Variants in DHRS12 observed in about 807,000 individuals in gnomAD.
DHRS12 encodes the protein dehydrogenase/reductase SDR family member 12.
Under a neutral mutation model 32.1 loss-of-function variants are expected in DHRS12, and 29 were observed. The observed-to-expected ratio is 0.90, with a 90% CI of 0.67 to 1.23. The LOEUF is 1.23. DHRS12 is among the 50% of genes most tolerant of loss of function. The pLI is 0.00. For missense variants in DHRS12, 330 were observed against 337.2 expected, an observed-to-expected ratio of 0.98 and a Z score of 0.17; for synonymous variants, 150 against 135.9, an observed-to-expected ratio of 1.10 and a Z score of -0.72.
chr13:51,792,441 C>T (rs1231559909), intron 2 of DHRS12, among the ~76,000 whole-genome samples: 1 of 151,602 alleles, frequency 6.6e-6, no homozygotes, highest in African/African-American at 2.4e-5. Context: ...ACTCTGTCGC[C>T]CAGGCTAGAG....
chr13:51,793,685 G>T (rs1175374670), intron 2 of DHRS12, among the ~76,000 whole-genome samples: 1 of 152,194 alleles, frequency 6.6e-6, no homozygotes, highest in East Asian at 1.9e-4. Context: ...GAACAAGGCT[G>T]CTGAGTCATA....
intron 7 of DHRS12, chr13:51,771,313 G>A (rs1954000017): frequency 6.3e-7 from 1 of 1,577,832 alleles, no homozygotes; most frequent in Non-Finnish European, 8.6e-7. Context: ...TGGAGTTGGT[G>A]AGGCCAATCC....
intron 1 of DHRS12, 60 bp from the exon 2 acceptor site, chr13:51,799,727 C>A: frequency 1.3e-6 from 2 of 1,581,062 alleles, no homozygotes; most frequent in Non-Finnish European, 8.6e-7. Context: ...CAAACCCCTG[C>A]AGGAGAAAGC....
Position 51,773,922 on chromosome 13 carries a change from T to G in DHRS12, c.468+8A>C. ...AAAATGCAGTCTCAGGAAACCCACCTCACTGACCTTGTTTTGTGCATAGAC... is the reference window on the plus strand; with the variant it reads ...AAAATGCAGTCTCAGGAAACCCACCGCACTGACCTTGTTTTGTGCATAGAC... On this transcript the variant is annotated splice_region_variant and intron_variant, in intron 6 of 8. Coordinates refer to ENST00000444610, the MANE Select transcript of DHRS12 (RefSeq NM_001377533.1). The G allele has an allele frequency of 6.2e-7, 1 of 1,613,396 alleles. No individual in the cohort carries two copies. Among genetic ancestry groups the G allele is most frequent in the Non-Finnish European group, 8.5e-7 (1 of 1,179,348 alleles).
intron 1 of DHRS12, among the ~76,000 whole-genome samples, chr13:51,801,364 T>C (rs1955745844): frequency 1.3e-5 from 2 of 152,276 alleles, no homozygotes; most frequent in South Asian, 4.1e-4. Flanking sequence ...TTTTTGTATT[T>C]TTTAGTAGAG....
chr13:51,787,818 TATATTATAAATTATATAAAC>T (rs1467761529), intron 4 of DHRS12, among the ~76,000 whole-genome samples: 1 of 129,236 alleles, frequency 7.7e-6, no homozygotes, highest in African/African-American at 2.9e-5. Context: ...ATATAATTTA[TATATTATAAATTATATAAAC>T]ATATAATATA....
chr13:51,774,295 T>TGTATTCTCCTACA (rs1473302295), intron 5 of DHRS12: 1 of 133,866 alleles, frequency 7.5e-6, no homozygotes, highest in Non-Finnish European at 1.6e-5. Context: ...TTCTCCTACA[T>TGTATTCTCCTACA]GTATTCTCCT....
chr13:51,797,903 T>G, intron 2 of DHRS12: 1 of 1,535,856 alleles, frequency 6.5e-7, no homozygotes, highest in Non-Finnish European at 8.7e-7. Flanking sequence ...AGGTGAACTG[T>G]GCCACCTGGT....
At chr13:51,793,014 A>T (rs1955349542) in intron 2 of DHRS12, among the ~76,000 whole-genome samples, 1 of 151,626 alleles carries the variant, frequency 6.6e-6, no homozygotes, top group South Asian at 2.1e-4. Context: ...TGTGACCCTT[A>T]GTCCTTGCTC....
At chr13:51,756,487 G>C in the DHRS12 span, 1 of 1,604,324 alleles carries the variant, frequency 6.2e-7, no homozygotes, top group Non-Finnish European at 8.5e-7. Context: ...CCTGCAGACC[G>C]CTTCAGGTTA....
At chr13:51,755,299 TGGTTTC>T in the DHRS12 span, 51 of 1,505,368 alleles carry the variant, frequency 3.4e-5, no homozygotes, top group South Asian at 5.1e-4. Context: ...TCAGGGTCAG[TGGTTTC>T]CATTGTCCTG....
At chr13:51,758,257 C>T in the DHRS12 span, 1 of 1,601,696 alleles carries the variant, frequency 6.2e-7, no homozygotes, top group Non-Finnish European at 8.5e-7. Context: ...TTCGATGCAA[C>T]CAGAGGATGG....
At chr13:51,761,580 G>A in the DHRS12 span, 5 of 152,182 alleles carry the variant, frequency 3.3e-5, no homozygotes, top group Non-Finnish European at 7.3e-5. Flanking sequence ...ATACACATGG[G>A]AGTGAAATTG....
At chr13:51,755,736 T>G in the DHRS12 span, among the ~76,000 whole-genome samples, 2 of 152,238 alleles carry the variant, frequency 1.3e-5, no homozygotes, top group Admixed American at 6.5e-5. Context: ...AGAGGTGTCA[T>G]GCTTAGTTCG....
the DHRS12 span, chr13:51,758,163 C>T: frequency 1.3e-6 from 2 of 1,516,320 alleles, no homozygotes; most frequent in South Asian, 1.2e-5. Context: ...CCACCTTTTC[C>T]CCTCAGAAGC....
intron 6 of DHRS12, chr13:51,772,667 T>C (rs1954086379): frequency 5.1e-6 from 5 of 985,278 alleles, no homozygotes; most frequent in Non-Finnish European, 6.0e-6. Context: ...TTATAGACAA[T>C]AAAAATCCTT....
intron 2 of DHRS12, among the ~76,000 whole-genome samples, chr13:51,795,302 C>T (rs1323800197): frequency 6.6e-6 from 1 of 152,182 alleles, no homozygotes; most frequent in Non-Finnish European, 1.5e-5. Context: ...TGCAGGCTTC[C>T]ACCTCCCACT....
intron 4 of DHRS12, chr13:51,777,459 T>G (rs1954489384): frequency 7.1e-6 from 2 of 282,404 alleles, no homozygotes; most frequent in Non-Finnish European, 1.3e-5. Flanking sequence ...CAGAAAAATG[T>G]GAAGATGAAA....
intron 6 of DHRS12, 77 bp from the exon 7 acceptor site, chr13:51,771,988 CCAG>C: frequency 7.1e-7 from 1 of 1,417,176 alleles, no homozygotes; most frequent in Non-Finnish European, 9.9e-7. Flanking sequence ...TAAGCCCTGC[CCAG>C]CCTGGCTTAT....
Sources: gnomAD v4.1 joint callset for allele counts (sites outside exome capture counted in the v4.1 genomes callset) on GRCh38, gnomAD v4.1.1 for gene constraint, MANE v1.5 for transcripts, NCBI Gene and HGNC (gene_info 2026-07-23, HGNC 2026-07-21) for gene names.